NEBL: variants seen among roughly 807,000 people sequenced by gnomAD.
The protein encoded by NEBL is LIM and SH3 protein 2.
A neutral mutation model predicts 140.2 loss-of-function variants in NEBL; 122 were observed. That is an observed-to-expected ratio of 0.87 (90% CI 0.75 to 1.01). The LOEUF is 1.01. Ranked by LOEUF, NEBL falls within the 50% of genes least tolerant of loss-of-function variation. The probability of loss-of-function intolerance (pLI) is 0.00; values close to 1 mark genes in which losing one functional copy is unlikely to be tolerated. For synonymous variants in NEBL, 436 were observed against 398.9 expected (o/e 1.09, Z -1.11); for missense variants, 1,365 against 1,231.3 (o/e 1.11, Z -1.62).
At chr10:20,870,151 A>T (rs987705270) in intron 5 of NEBL, among the ~76,000 whole-genome samples, 7 of 151,790 alleles carry the variant, frequency 4.6e-5, no homozygotes, top group African/African-American at 1.7e-4. Context: ...ACATGGTGAA[A>T]CCCCATCTCT....
At chr10:21,122,704 C>A (rs191417129) in intron 2 of NEBL, among the ~76,000 whole-genome samples, 1 of 152,210 alleles carries the variant, frequency 6.6e-6, no homozygotes, top group East Asian at 1.9e-4. Flanking sequence ...GTGCAAAAAT[C>A]CTCAGTGTCT....
intron 2 of NEBL, among the ~76,000 whole-genome samples, chr10:20,893,460 G>C (rs1466498067): frequency 6.6e-6 from 1 of 152,200 alleles, no homozygotes; most frequent in Non-Finnish European, 1.5e-5. Flanking sequence ...GTTGTGCAAA[G>C]AGGAACCCCA....
In NEBL at chr10:21,153,056, G is replaced by A. The variant is rs184772264; in HGVS notation, c.164+19327C>T. On this transcript the variant is annotated intron_variant, in intron 2 of 6. Coordinates refer to the NEBL transcript ENST00000417816. ...GCCAAAATTGTCCACCCCACATCACGAGCCTTCTAGCTCACAAATGTGCAA... is the reference window on the plus strand; with the variant it reads ...GCCAAAATTGTCCACCCCACATCACAAGCCTTCTAGCTCACAAATGTGCAA... Among the ~76,000 whole-genome samples the A allele has an allele frequency of 7.8e-4, 119 of 152,220 alleles. 1 individual carries two copies. The highest frequency in any genetic ancestry group is 2.7e-3 in the African/African-American group (112 of 41,538).
At chr10:21,126,322 G>T (rs1315935837) in intron 2 of NEBL, among the ~76,000 whole-genome samples, 2 of 151,996 alleles carry the variant, frequency 1.3e-5, no homozygotes, top group African/African-American at 4.8e-5. Context: ...TGCTTTGTTT[G>T]GTTTCTTACC....
chr10:21,010,605 C>CA (rs34685634), intron 3 of NEBL, among the ~76,000 whole-genome samples: 4,368 of 147,890 alleles, frequency 0.03, 203 homozygotes, highest in African/African-American at 0.1. Flanking sequence ...CAAAGCCATT[C>CA]AAAAAAAAAT....
intron 2 of NEBL, among the ~76,000 whole-genome samples, chr10:21,074,466 T>C (rs1392307636): frequency 6.7e-6 from 1 of 149,740 alleles, no homozygotes; most frequent in African/African-American, 2.5e-5. Flanking sequence ...TCATTGAACT[T>C]CTTTCTGAAT....
At chr10:21,257,624 G>A (rs1842675446) in intron 1 of NEBL, among the ~76,000 whole-genome samples, 2 of 152,140 alleles carry the variant, frequency 1.3e-5, no homozygotes, top group South Asian at 4.1e-4. Context: ...GGTGGCTCAC[G>A]CCTGTAATCC....
chr10:20,909,356 T>A (rs1381624505), intron 4 of NEBL, among the ~76,000 whole-genome samples: 3 of 152,024 alleles, frequency 2.0e-5, no homozygotes, highest in Non-Finnish European at 4.4e-5. Flanking sequence ...TGAGCTCAAT[T>A]CTTTTGATTT....
At chr10:21,222,923 C>T (rs1369591792) in intron 3 of NEBL, among the ~76,000 whole-genome samples, 3 of 152,108 alleles carry the variant, frequency 2.0e-5, no homozygotes, top group East Asian at 1.9e-4. Context: ...CCACCATGCC[C>T]GGCTAATTTT....
At chr10:21,033,317 T>A (rs1365052891) in intron 2 of NEBL, among the ~76,000 whole-genome samples, 1 of 152,200 alleles carries the variant, frequency 6.6e-6, no homozygotes, top group Non-Finnish European at 1.5e-5. Context: ...ATTCCTTTGA[T>A]AAAGATAATA....
intron 11 of NEBL, chr10:20,845,570 A>G: frequency 3.9e-6 from 2 of 516,222 alleles, no homozygotes; most frequent in East Asian, 6.7e-5. Context: ...TATTAAGTGG[A>G]CTCTTCCTCT....
chr10:20,836,711 T>A (rs1459669169), intron 13 of NEBL, among the ~76,000 whole-genome samples: 1 of 151,868 alleles, frequency 6.6e-6, no homozygotes. Flanking sequence ...AACTGTGAGG[T>A]GGGAAGCACT....
intron 3 of NEBL, among the ~76,000 whole-genome samples, chr10:21,010,569 A>G (rs1838299500): frequency 6.6e-6 from 1 of 151,908 alleles, no homozygotes; most frequent in Non-Finnish European, 1.5e-5. Flanking sequence ...CAACTTTTGA[A>G]GTTCAAAAGC....
intron 11 of NEBL, among the ~76,000 whole-genome samples, chr10:20,845,870 AG>A (rs1267203360): frequency 6.6e-6 from 1 of 152,196 alleles, no homozygotes; most frequent in Non-Finnish European, 1.5e-5. Context: ...CCTGAGGGTT[AG>A]GGAGGGGGTT....
chr10:21,179,659 G>T (rs1045463504), upstream of NEBL, among the ~76,000 whole-genome samples: 1 of 151,952 alleles, frequency 6.6e-6, no homozygotes, highest in Admixed American at 6.6e-5. Flanking sequence ...TGAGGCATTT[G>T]CATCTGTTGG....
At position 20,828,558 on chromosome 10, in the gene NEBL, A is replaced by T. The variant is rs761928080; in HGVS notation, c.1748T>A (p.Ile583Asn). ...TIADTPEIQR[I>N]KTTQQNISAV... The stretch of plus-strand genomic sequence containing the variant: ...ACTAATGTTTTGTTGAGTTGTCTTA[A>T]TTCTCTGAATTTCAGGAGTATCTGC... The change falls in exon 17 of 28, where the codon ATT becomes AAT. Residue 583 changes from isoleucine (I) to asparagine (N), a missense_variant. Around this residue, in one of 2 missense-constraint regions of NEBL, gnomAD observed 1,323 missense variants for 1,154.8 expected, o/e 1.15. Transcript: ENST00000377122. 1 of 1,593,210 alleles carries T rather than the reference A, an allele frequency of 6.3e-7. No homozygotes were observed. The highest frequency in any genetic ancestry group is 1.7e-5 in the Admixed American group (1 of 59,844).
At chr10:20,974,712 G>A (rs185165599) in intron 3 of NEBL, among the ~76,000 whole-genome samples, 49 of 152,190 alleles carry the variant, frequency 3.2e-4, no homozygotes, top group East Asian at 2.5e-3. Context: ...ATGCTCAGTA[G>A]GTGTCCATCA....
chr10:21,079,372 G>A (rs1370171023), intron 2 of NEBL, among the ~76,000 whole-genome samples: 5 of 152,192 alleles, frequency 3.3e-5, no homozygotes, highest in African/African-American at 1.2e-4. Flanking sequence ...TGATTTATTT[G>A]GCAGGTGCTT....
At chr10:20,981,737 G>A (rs1837052912) in intron 3 of NEBL, among the ~76,000 whole-genome samples, 1 of 152,172 alleles carries the variant, frequency 6.6e-6, no homozygotes, top group Non-Finnish European at 1.5e-5. Flanking sequence ...ACAGCTACAA[G>A]GATGTAGGCT....
Sources: gnomAD v4.1 joint callset for allele counts (sites outside exome capture counted in the v4.1 genomes callset) on GRCh38, gnomAD v4.1.1 for gene constraint, gnomAD v4.1.1 regional missense constraint, MANE v1.5 for transcripts, NCBI Gene and HGNC (gene_info 2026-07-23, HGNC 2026-07-21) for gene names.